OTUD7A: variants seen among roughly 807,000 people sequenced by gnomAD.
OTUD7A encodes the protein OTU domain-containing protein 7A.
OTUD7A carries 12 observed loss-of-function variants against 65.7 expected under a neutral mutation model. The ratio of observed to expected loss-of-function variants is 0.18; its 90% confidence interval spans 0.12 to 0.30. OTUD7A has a LOEUF of 0.30. Among genes scored for constraint, OTUD7A ranks in the 10% least tolerant of loss-of-function variants. OTUD7A has a pLI of 1.00. For synonymous variants in OTUD7A, 641 were observed against 586.3 expected (o/e 1.09, Z -1.35); for missense variants, 1,148 against 1,304.8 (o/e 0.88, Z 1.85).
chr15:31,559,432 C>T (rs1363001030), intron 4 of OTUD7A, among the ~76,000 whole-genome samples: 1 of 152,134 alleles, frequency 6.6e-6, no homozygotes, highest in Non-Finnish European at 1.5e-5. Context: ...TACATGTGCA[C>T]ACACACTTAT....
chr15:31,597,100 C>CT (rs58263160), intron 3 of OTUD7A, among the ~76,000 whole-genome samples: 48,488 of 151,220 alleles, frequency 0.32, 9,993 homozygotes, highest in African/African-American at 0.59. Flanking sequence ...AGTTTTTTTT[C>CT]TTTTTTTTGT....
chr15:31,584,451 A>G (rs891004488), intron 3 of OTUD7A, among the ~76,000 whole-genome samples: 1 of 152,106 alleles, frequency 6.6e-6, no homozygotes, highest in Non-Finnish European at 1.5e-5. Context: ...GGGCTCAACA[A>G]AGCAGCCTCT....
intron 3 of OTUD7A, among the ~76,000 whole-genome samples, chr15:31,606,738 T>C (rs1341536133): frequency 6.6e-6 from 1 of 152,236 alleles, no homozygotes; most frequent in Non-Finnish European, 1.5e-5. Context: ...AGATACCCTC[T>C]AGGCATTAAA....
At chr15:31,540,441 C>T (rs12900301) in intron 5 of OTUD7A, among the ~76,000 whole-genome samples, 23,876 of 152,150 alleles carry the variant, frequency 0.16, 2,038 homozygotes, top group Non-Finnish European at 0.2. Flanking sequence ...AGGCAGCCAG[C>T]AGACTGGTTA....
chr15:31,682,899 G>A (rs1240498671), intron 1 of OTUD7A, among the ~76,000 whole-genome samples: 1 of 152,228 alleles, frequency 6.6e-6, no homozygotes, highest in East Asian at 1.9e-4. Context: ...GTGTATGAAT[G>A]TATGTGCACA....
intron 3 of OTUD7A, among the ~76,000 whole-genome samples, chr15:31,605,449 G>A (rs949666269): frequency 6.6e-6 from 1 of 152,146 alleles, no homozygotes; most frequent in African/African-American, 2.4e-5. Context: ...CATCACCCTG[G>A]GCCCTCTGGG....
intron 1 of OTUD7A, among the ~76,000 whole-genome samples, chr15:31,824,107 C>T (rs1896747567): frequency 6.6e-6 from 1 of 152,210 alleles, no homozygotes; most frequent in African/African-American, 2.4e-5. Context: ...GGCAGATCAC[C>T]TGTTAGAGCA....
intron 1 of OTUD7A, among the ~76,000 whole-genome samples, chr15:31,694,576 C>G (rs1893031721): frequency 1.3e-5 from 2 of 152,146 alleles, no homozygotes; most frequent in South Asian, 4.1e-4. Flanking sequence ...ACTTATTTAT[C>G]CTGCCTAAAT....
intron 1 of OTUD7A, among the ~76,000 whole-genome samples, chr15:31,827,008 AC>A (rs1409769756): frequency 6.6e-6 from 1 of 152,188 alleles, no homozygotes; most frequent in Non-Finnish European, 1.5e-5. Context: ...GAGGTTCCAA[AC>A]TTCCCCACAT....
chr15:31,670,769 A>G (rs1386183888), intron 1 of OTUD7A, among the ~76,000 whole-genome samples: 1 of 152,094 alleles, frequency 6.6e-6, no homozygotes, highest in Non-Finnish European at 1.5e-5. Flanking sequence ...AAGCGGGCGG[A>G]TCACGAGGTC....
intron 1 of OTUD7A, among the ~76,000 whole-genome samples, chr15:31,678,153 AT>A (rs1892634949): frequency 6.6e-6 from 1 of 152,186 alleles, no homozygotes; most frequent in Non-Finnish European, 1.5e-5. Context: ...GGTGGGAGAA[AT>A]TTCTAAGCAG....
intron 1 of OTUD7A, among the ~76,000 whole-genome samples, chr15:31,658,104 C>T (rs1170477500): frequency 6.6e-6 from 1 of 152,146 alleles, no homozygotes; most frequent in African/African-American, 2.4e-5. Flanking sequence ...CTTTGTGTGA[C>T]CTTGGGCATG....
At chr15:31,549,696 G>A (rs1046319933) in intron 5 of OTUD7A, among the ~76,000 whole-genome samples, 1 of 152,076 alleles carries the variant, frequency 6.6e-6, no homozygotes, top group African/African-American at 2.4e-5. Context: ...AGAGGGAAGA[G>A]GGAAAGGGGG....
At chr15:31,860,360 T>C (rs1239355763) in intron 1 of OTUD7A, among the ~76,000 whole-genome samples, 1 of 152,066 alleles carries the variant, frequency 6.6e-6, no homozygotes, top group Non-Finnish European at 1.5e-5. Context: ...TGCGATGCTT[T>C]TGAACTCATG....
At chr15:31,652,589 C>A (rs1054383157) in intron 3 of OTUD7A, among the ~76,000 whole-genome samples, 121 of 152,138 alleles carry the variant, frequency 8.0e-4, no homozygotes, top group African/African-American at 2.8e-3. Context: ...CAAATCTGAA[C>A]AAAAGATTTA....
chr15:31,744,433 C>G (rs548154000), intron 1 of OTUD7A, among the ~76,000 whole-genome samples: 4 of 152,000 alleles, frequency 2.6e-5, no homozygotes, highest in Non-Finnish European at 5.9e-5. Context: ...TAAGATAGGG[C>G]AAACATTCAA....
intron 1 of OTUD7A, among the ~76,000 whole-genome samples, chr15:31,849,241 T>C (rs1396489074): frequency 1.3e-5 from 2 of 152,066 alleles, no homozygotes; most frequent in Non-Finnish European, 2.9e-5. Flanking sequence ...CCCTCAGAAA[T>C]AATACCACAC....
chr15:31,513,666 CATCTT>C (rs1041275220), intron 8 of OTUD7A, among the ~76,000 whole-genome samples: 1 of 152,214 alleles, frequency 6.6e-6, no homozygotes, highest in African/African-American at 2.4e-5. Context: ...CTTCTTGTGA[CATCTT>C]ATCAGGTTGT....
At chr15:31,766,915 A>C in intron 1 of OTUD7A, 9 of 1,610,690 alleles carry the variant, frequency 5.6e-6, no homozygotes, top group Non-Finnish European at 7.6e-6. Context: ...AATTCCTTCC[A>C]AAGAATAGCA....
Sources: gnomAD v4.1 joint callset for allele counts (sites outside exome capture counted in the v4.1 genomes callset) on GRCh38, gnomAD v4.1.1 for gene constraint, MANE v1.5 for transcripts, NCBI Gene and HGNC (gene_info 2026-07-23, HGNC 2026-07-21) for gene names.